The following TMEM178B variants were observed in gnomAD, a reference collection of about 807,000 sequenced individuals.
TMEM178B encodes the protein transmembrane protein 178B.
A neutral mutation model predicts 31.0 loss-of-function variants in TMEM178B; 5 were observed. That is an observed-to-expected ratio of 0.16 (90% CI 0.08 to 0.34). The LOEUF is 0.34. Ranked by LOEUF, TMEM178B falls within the 10% of genes least tolerant of loss-of-function variation. The pLI is 1.00. For missense variants in TMEM178B, 275 were observed against 400.3 expected (o/e 0.69, Z 2.67); for synonymous variants, 164 against 164.0 (o/e 1.00, Z 0.00).
chr7:141,283,400 C>T (rs1057169697), intron 2 of TMEM178B, among the ~76,000 whole-genome samples: 5 of 152,146 alleles, frequency 3.3e-5, no homozygotes, highest in Non-Finnish European at 7.3e-5. Flanking sequence ...TTCAAGTGCA[C>T]CAGAGGAATA....
intron 2 of TMEM178B, among the ~76,000 whole-genome samples, chr7:141,401,684 G>A (rs73169556): frequency 0.053 from 8,006 of 152,188 alleles, 302 homozygotes; most frequent in East Asian, 0.21. Context: ...GGAATTACAG[G>A]CATGAGCCAC....
At chr7:141,359,532 C>A (rs1303973786) in intron 2 of TMEM178B, among the ~76,000 whole-genome samples, 1 of 152,192 alleles carries the variant, frequency 6.6e-6, no homozygotes, top group East Asian at 1.9e-4. Flanking sequence ...ATAAGCTATT[C>A]TTACAAGGGT....
intron 2 of TMEM178B, among the ~76,000 whole-genome samples, chr7:141,359,589 G>C (rs1563161393): frequency 6.6e-6 from 1 of 152,144 alleles, no homozygotes; most frequent in Non-Finnish European, 1.5e-5. Context: ...CTTATTACAG[G>C]CTCGATCAGC....
chr7:141,112,102 C>T (rs980305940), intron 1 of TMEM178B, among the ~76,000 whole-genome samples: 4 of 152,212 alleles, frequency 2.6e-5, no homozygotes, highest in South Asian at 2.1e-4. Flanking sequence ...TTAGCCTGTT[C>T]GCTGGTAGTC....
At chr7:141,298,258 T>C (rs1798668700) in intron 2 of TMEM178B, among the ~76,000 whole-genome samples, 1 of 152,198 alleles carries the variant, frequency 6.6e-6, no homozygotes, top group African/African-American at 2.4e-5. Flanking sequence ...TGGATATTAG[T>C]CCTTTGTCAG....
intron 1 of TMEM178B, among the ~76,000 whole-genome samples, chr7:141,078,885 A>G (rs1794640278): frequency 6.6e-6 from 1 of 152,168 alleles, no homozygotes; most frequent in East Asian, 1.9e-4. Context: ...GCTGGAGAGC[A>G]GCCATGGACC....
intron 3 of TMEM178B, among the ~76,000 whole-genome samples, chr7:141,439,734 C>CCT (rs1801622505): frequency 6.6e-6 from 1 of 152,138 alleles, no homozygotes; most frequent in African/African-American, 2.4e-5. Context: ...AGCAAACGGG[C>CCT]CGCGGGCAGA....
intron 2 of TMEM178B, among the ~76,000 whole-genome samples, chr7:141,380,532 T>C (rs748860513): frequency 7.2e-5 from 11 of 152,232 alleles, no homozygotes; most frequent in Non-Finnish European, 1.5e-4. Context: ...ATATGTTGTT[T>C]ACTACCAGGA....
At chr7:141,289,228 A>G (rs888039275) in intron 2 of TMEM178B, among the ~76,000 whole-genome samples, 2 of 152,114 alleles carry the variant, frequency 1.3e-5, no homozygotes, top group Admixed American at 6.5e-5. Context: ...GCTCCAAATC[A>G]CTGTCTGGGC....
intron 1 of TMEM178B, among the ~76,000 whole-genome samples, chr7:141,210,770 G>A (rs1166673207): frequency 6.6e-6 from 1 of 152,156 alleles, no homozygotes; most frequent in East Asian, 1.9e-4. Flanking sequence ...GAGCCTTGGC[G>A]AGTCCCTCCT....
intron 2 of TMEM178B, among the ~76,000 whole-genome samples, chr7:141,321,900 G>T (rs1316446481): frequency 6.6e-6 from 1 of 151,862 alleles, no homozygotes; most frequent in East Asian, 1.9e-4. Context: ...CAGGAGGCTT[G>T]TATTCAAACA....
intron 3 of TMEM178B, among the ~76,000 whole-genome samples, chr7:141,443,128 C>T (rs890073806): frequency 6.6e-6 from 1 of 152,148 alleles, no homozygotes; most frequent in South Asian, 2.1e-4. Context: ...TTTTAATAGA[C>T]CTTATTTTTA....
At chr7:141,124,209 A>G (rs1563093924) in intron 1 of TMEM178B, among the ~76,000 whole-genome samples, 1 of 152,106 alleles carries the variant, frequency 6.6e-6, no homozygotes, top group Non-Finnish European at 1.5e-5. Flanking sequence ...TCTACTAAAA[A>G]TACAAAAATT....
rs1300816399 is a variant in TMEM178B, at chr7:141,074,529, C to T, written c.219C>T (p.Asp73=). Residue 73 remains aspartate, a synonymous_variant, in exon 1 of 4, where the codon GAC becomes GAT. Coordinates refer to ENST00000565468, the MANE Select transcript of TMEM178B (RefSeq NM_001195278.2). This position sits in a 1 kb window ranked among gnomAD's most constrained non-coding sequence, Gnocchi z 5.1. ...LPLRASRSRL[D]RWEGKLLRAR... The stretch of plus-strand genomic sequence containing the variant: ...TCCGGGCGAGCCGCTCGCGCCTGGA[C>T]CGCTGGGAGGGCAAACTCCTCCGGG... The T allele has an allele frequency of 6.5e-6, 10 of 1,535,898 alleles. No individual in the cohort carries two copies. The highest frequency in any genetic ancestry group is 1.4e-5 in the African/African-American group (1 of 73,062).
At chr7:141,289,595 A>G (rs1332199663) in intron 2 of TMEM178B, among the ~76,000 whole-genome samples, 2 of 151,862 alleles carry the variant, frequency 1.3e-5, no homozygotes, top group African/African-American at 4.8e-5. Context: ...TGTGCCTGTA[A>G]TCCCAACTAT....
intron 2 of TMEM178B, among the ~76,000 whole-genome samples, chr7:141,230,235 A>G (rs1162227816): frequency 6.6e-6 from 1 of 152,200 alleles, no homozygotes; most frequent in Non-Finnish European, 1.5e-5. Context: ...CAGAATTGGA[A>G]CTACTGGCTC....
intron 2 of TMEM178B, among the ~76,000 whole-genome samples, chr7:141,319,477 T>C (rs1349763766): frequency 6.6e-6 from 1 of 152,228 alleles, no homozygotes; most frequent in African/African-American, 2.4e-5. Context: ...AGATGTAATA[T>C]AGAGGCTAAC....
At chr7:141,231,267 G>T (rs568571945) in intron 2 of TMEM178B, among the ~76,000 whole-genome samples, 50 of 147,294 alleles carry the variant, frequency 3.4e-4, no homozygotes, top group African/African-American at 1.2e-3. Context: ...CAAAGTTCAG[G>T]TTTCTTTGCC....
At chr7:141,267,045 C>G (rs1251866902) in intron 2 of TMEM178B, among the ~76,000 whole-genome samples, 3 of 152,182 alleles carry the variant, frequency 2.0e-5, no homozygotes, top group Non-Finnish European at 4.4e-5. Flanking sequence ...AGGTGTGTCA[C>G]CTGCCCTTTC....
Sources: gnomAD v4.1 joint callset for allele counts (sites outside exome capture counted in the v4.1 genomes callset) on GRCh38, gnomAD v4.1.1 for gene constraint, Gnocchi (gnomAD v3.1) non-coding constraint, MANE v1.5 for transcripts, NCBI Gene and HGNC (gene_info 2026-07-23, HGNC 2026-07-21) for gene names.